The following DLC1 variants were observed in gnomAD, a reference collection of about 807,000 sequenced individuals.
DLC1 encodes the protein rho GTPase-activating protein 7.
Under a neutral mutation model 140.3 loss-of-function variants are expected in DLC1, and 54 were observed. The observed-to-expected ratio is 0.38, with a 90% CI of 0.31 to 0.48. The LOEUF (loss-of-function observed/expected upper bound fraction) is 0.48. Ranked by LOEUF, DLC1 falls within the 20% of genes least tolerant of loss-of-function variation. The pLI is 0.96. For missense variants in DLC1, 2,536 were observed against 1,907.0 expected (o/e 1.33, Z -6.14); for synonymous variants, 986 against 728.1 (o/e 1.35, Z -5.70).
At chr8:13,381,264 G>C (rs138642849) in intron 4 of DLC1, among the ~76,000 whole-genome samples, 1 of 152,324 alleles carries the variant, frequency 6.6e-6, no homozygotes, top group African/African-American at 2.4e-5. Flanking sequence ...GAGATATAAA[G>C]AAGCCTCAGC....
chr8:13,401,257 T>C (rs1270309596), intron 3 of DLC1, among the ~76,000 whole-genome samples: 2 of 152,218 alleles, frequency 1.3e-5, no homozygotes, highest in Non-Finnish European at 2.9e-5. Context: ...CAAGTTCTTT[T>C]GTATCACCCA....
chr8:13,385,597 A>C (rs1343570867), intron 4 of DLC1, among the ~76,000 whole-genome samples: 2 of 152,198 alleles, frequency 1.3e-5, no homozygotes, highest in African/African-American at 4.8e-5. Context: ...CAATTCCTTT[A>C]CTTTCAGATT....
At chr8:13,100,810 G>A (rs760602510) in intron 8 of DLC1, 40 bp from the exon 9 acceptor site, 18 of 1,519,688 alleles carry the variant, frequency 1.2e-5, no homozygotes, top group Middle Eastern at 3.6e-4. Flanking sequence ...ACTGGGGCTG[G>A]CAGCCAGCAG....
intron 2 of DLC1, among the ~76,000 whole-genome samples, chr8:13,440,722 C>A (rs1346702280): frequency 6.6e-6 from 1 of 152,102 alleles, no homozygotes; most frequent in African/African-American, 2.4e-5. Context: ...GGCGGACAGT[C>A]TTTCCCCTGC....
At chr8:13,391,856 A>T (rs1193346613) in intron 4 of DLC1, among the ~76,000 whole-genome samples, 5 of 151,486 alleles carry the variant, frequency 3.3e-5, no homozygotes, top group Non-Finnish European at 7.4e-5. Context: ...GAATTAAATA[A>T]TAAATACCTT....
At chr8:13,588,131 T>C (rs1001949442) in intron 1 of DLC1, among the ~76,000 whole-genome samples, 1 of 152,072 alleles carries the variant, frequency 6.6e-6, no homozygotes, top group African/African-American at 2.4e-5. Flanking sequence ...CAAGGATTCA[T>C]GGTTCTAGCT....
chr8:13,481,484 T>C (rs1289126935), intron 2 of DLC1, among the ~76,000 whole-genome samples: 1 of 151,958 alleles, frequency 6.6e-6, no homozygotes, highest in Non-Finnish European at 1.5e-5. Flanking sequence ...TTAAATAAAA[T>C]AAATAACTGA....
chr8:13,157,193 T>G (rs895633841), intron 5 of DLC1, among the ~76,000 whole-genome samples: 1 of 152,194 alleles, frequency 6.6e-6, no homozygotes, highest in Admixed American at 6.5e-5. Context: ...TGAAACTATC[T>G]TTTTCCCTTT....
At chr8:13,195,944 C>G (rs547561405) in intron 5 of DLC1, among the ~76,000 whole-genome samples, 1 of 152,080 alleles carries the variant, frequency 6.6e-6, no homozygotes, top group East Asian at 1.9e-4. Flanking sequence ...ATAATTACCA[C>G]CATTTAACAA....
chr8:13,091,487 C>G, intron 13 of DLC1, 55 bp from the exon 14 acceptor site: 3 of 1,507,138 alleles, frequency 2.0e-6, no homozygotes, highest in Middle Eastern at 1.8e-4. Context: ...TATTTTTCTT[C>G]AAGGTATTAT....
At chr8:13,458,625 C>T (rs1341543403) in intron 2 of DLC1, among the ~76,000 whole-genome samples, 1 of 152,168 alleles carries the variant, frequency 6.6e-6, no homozygotes, top group African/African-American at 2.4e-5. Flanking sequence ...GTCACTACTA[C>T]AATTATGAAA....
chr8:13,435,277 C>G (rs1585102644), intron 2 of DLC1, among the ~76,000 whole-genome samples: 1 of 152,154 alleles, frequency 6.6e-6, no homozygotes, highest in Admixed American at 6.5e-5. Context: ...TGAATGGCTG[C>G]AATCTCATGA....
At chr8:13,403,428 A>G (rs906669958) in intron 2 of DLC1, among the ~76,000 whole-genome samples, 1 of 152,222 alleles carries the variant, frequency 6.6e-6, no homozygotes, top group African/African-American at 2.4e-5. Context: ...CTGATTAAAT[A>G]GTAATTAAAT....
In DLC1 at chr8:13,100,463, C is replaced by T. The variant is rs1252509016; in HGVS notation, c.1874G>A (p.Cys625Tyr). ...TPRTNSVISV[C>Y]SSSNLAGNDD... The stretch of plus-strand genomic sequence containing the variant: ...ATTGCCTGCCAAGTTGCTGGAGGAG[C>T]AAACGCTGATGACGGAGTTAGTCCG... Residue 625 changes from cysteine (C) to tyrosine (Y), a missense_variant, in exon 9 of 18, where the codon TGC (cysteine) becomes TAC (tyrosine). Transcript: ENST00000276297. 1.2e-6 allele frequency: 2 copies of T among 1,613,614 alleles called. No homozygotes were observed. Among genetic ancestry groups the T allele is most frequent in the Non-Finnish European group, 1.7e-6 (2 of 1,180,026 alleles).
intron 2 of DLC1, among the ~76,000 whole-genome samples, chr8:13,461,405 T>C (rs1455486738): frequency 6.6e-6 from 1 of 152,188 alleles, no homozygotes; most frequent in Admixed American, 6.5e-5. Context: ...CACCCCTTTA[T>C]AAACATTAAT....
chr8:13,260,861 T>C (rs1008986006), intron 5 of DLC1, among the ~76,000 whole-genome samples: 32 of 152,218 alleles, frequency 2.1e-4, no homozygotes, highest in Non-Finnish European at 4.3e-4. Context: ...AGATAGATGC[T>C]TTGCCTCAAA....
intron 5 of DLC1, among the ~76,000 whole-genome samples, chr8:13,176,048 A>G (rs546772246): frequency 5.9e-4 from 90 of 152,346 alleles, no homozygotes; most frequent in African/African-American, 2.1e-3. Context: ...TTCACTGCCT[A>G]GGATCTTTAT....
intron 4 of DLC1, among the ~76,000 whole-genome samples, chr8:13,376,412 C>G (rs894847321): frequency 6.6e-6 from 1 of 152,112 alleles, no homozygotes; most frequent in African/African-American, 2.4e-5. Flanking sequence ...TGACTTGGTG[C>G]TATAAGAAAC....
chr8:13,393,385 C>T (rs1296299076), intron 4 of DLC1, among the ~76,000 whole-genome samples, 168 bp downstream of exon 4: 1 of 152,034 alleles, frequency 6.6e-6, no homozygotes, highest in African/African-American at 2.4e-5. Context: ...ATTTATAAAA[C>T]AAAAAACATT....
Sources: gnomAD v4.1 joint callset for allele counts (sites outside exome capture counted in the v4.1 genomes callset) on GRCh38, gnomAD v4.1.1 for gene constraint, MANE v1.5 for transcripts, NCBI Gene and HGNC (gene_info 2026-07-23, HGNC 2026-07-21) for gene names.